EXOC6: variants seen among roughly 807,000 people sequenced by gnomAD.
EXOC6 encodes SEC15-like 1.
Under a neutral mutation model 112.5 loss-of-function variants are expected in EXOC6, and 60 were observed. The ratio of observed to expected loss-of-function variants is 0.53; its 90% CI spans 0.43 to 0.66. The LOEUF is 0.66. Ranked by LOEUF, EXOC6 falls within the 30% of genes least tolerant of loss-of-function variation. The pLI is 0.00. For missense variants in EXOC6, 855 were observed against 957.1 expected, an observed-to-expected ratio of 0.89 and a Z score of 1.41; for synonymous variants, 295 against 308.0, an observed-to-expected ratio of 0.96 and a Z score of 0.44.
intron 17 of EXOC6, among the ~76,000 whole-genome samples, chr10:92,962,613 G>A (rs945228295): frequency 3.3e-5 from 5 of 151,940 alleles, no homozygotes; most frequent in East Asian, 1.9e-4. Context: ...GGCTGGTCTC[G>A]AACTCCTGGA....
Position 92,995,289 on chromosome 10 carries a change from G to GT in EXOC6, c.1954-2181dup, listed in dbSNP as rs1160163683. Among the ~76,000 whole-genome samples the GT allele has an allele frequency of 2.6e-5, 4 of 151,970 alleles. No individual in the cohort carries two copies. In the East Asian group the frequency reaches 7.7e-4, roughly 29 times the overall value. On this transcript the variant is annotated intron_variant, in intron 18 of 21. Coordinates refer to ENST00000260762, the MANE Select transcript of EXOC6 (RefSeq NM_019053.6). ...ATAGCCTGTGTCTACTCTTACCATC[G>GT]TTTTCAGCTCCAGTGCTATTGCTAT...
chr10:92,854,876 T>C lies in EXOC6; in HGVS notation c.101+6242T>C, dbSNP rs139341454. Reference sequence around the variant, plus strand: ...GATACCTCATAGAATGAGTTGGTGCTCTCTCAATTGAGATGAGTATTTGGG... The same window carrying C: ...GATACCTCATAGAATGAGTTGGTGCCCTCTCAATTGAGATGAGTATTTGGG... On this transcript the variant is annotated intron_variant, in intron 1 of 21. Coordinates refer to ENST00000260762, the MANE Select transcript of EXOC6 (RefSeq NM_019053.6). Among the ~76,000 whole-genome samples the C allele has an allele frequency of 1.9e-3, 289 of 152,308 alleles. 3 individuals are homozygous for C. Among genetic ancestry groups the C allele is most frequent in the African/African-American group, 6.8e-3 (283 of 41,578 alleles).
intron 1 of EXOC6, among the ~76,000 whole-genome samples, chr10:92,841,663 C>T (rs1308331749): frequency 6.6e-6 from 1 of 152,152 alleles, no homozygotes; most frequent in Non-Finnish European, 1.5e-5. Flanking sequence ...ATGTTTATTG[C>T]AACACTAGAT....
intron 20 of EXOC6, among the ~76,000 whole-genome samples, chr10:93,025,415 G>A (rs1463461458): frequency 6.6e-6 from 1 of 152,130 alleles, no homozygotes; most frequent in East Asian, 1.9e-4. Context: ...CATATGAGAA[G>A]CCATTTTTAA....
At chr10:92,905,519 A>G (rs1017978938) in intron 5 of EXOC6, among the ~76,000 whole-genome samples, 1 of 152,018 alleles carries the variant, frequency 6.6e-6, no homozygotes, top group Non-Finnish European at 1.5e-5. Context: ...GATACATTTC[A>G]TGTTACCTGC....
intron 17 of EXOC6, among the ~76,000 whole-genome samples, chr10:92,963,336 T>C (rs773018937): frequency 7.1e-4 from 108 of 152,308 alleles, no homozygotes; most frequent in Non-Finnish European, 1.3e-3. Flanking sequence ...CACCTTGCAT[T>C]ATCTAACTCT....
rs1426768150 is a variant in EXOC6, at chr10:92,955,563, T to A, written c.1639-17T>A. 5 of 1,601,068 alleles carry A rather than the reference T, an allele frequency of 3.1e-6. No homozygotes were observed. In the African/African-American group the frequency reaches 6.7e-5, roughly 22 times the overall value. On this transcript the variant is annotated splice_polypyrimidine_tract_variant and intron_variant, in intron 16 of 21. Transcript: ENST00000260762. ...CATGTAACCTGTATTTTACTAGATA[T>A]ATCTTGTGTTTTCTAGCTGGTACAA...
rs1337829493 is a variant in EXOC6 at position 92,896,147 on chromosome 10, GTATATATATATATA to G, written c.412+1149_412+1162del. 4.1e-4 allele frequency among the ~76,000 whole-genome samples: 10 copies of G among 24,482 alleles called. No individual in the cohort carries two copies. The East Asian group carries it at 5.5e-3, about 13-fold the overall frequency. The allele number at this position is 24,482 out of a possible 152,430, so 16.1% of individuals were successfully genotyped here. A position where few individuals can be genotyped will look rare whatever the true frequency, so the allele number is the denominator to read the frequency against. ...TGTGTGTGTGTGTGTGTATGTATGT[GTATATATATATATA>G]TATATATATATATATATATATTTTT... is the stretch of plus-strand genomic sequence containing the variant. On this transcript the variant is annotated intron_variant, in intron 4 of 21. Transcript: ENST00000260762.
At chr10:93,004,597 G>T (rs981264090) in intron 19 of EXOC6, among the ~76,000 whole-genome samples, 1 of 152,012 alleles carries the variant, frequency 6.6e-6, no homozygotes, top group Non-Finnish European at 1.5e-5. Flanking sequence ...TCCTTGTAGG[G>T]TATTTTCACA....
chr10:93,021,272 G>A (rs949147167), intron 20 of EXOC6, among the ~76,000 whole-genome samples: 1 of 151,868 alleles, frequency 6.6e-6, no homozygotes, highest in Admixed American at 6.6e-5. Context: ...CTTGAAGCCG[G>A]GTGTCAAGAC....
chr10:92,842,092 G>A (rs1364711776), intron 1 of EXOC6, among the ~76,000 whole-genome samples: 1 of 151,984 alleles, frequency 6.6e-6, no homozygotes, highest in Non-Finnish European at 1.5e-5. Flanking sequence ...CGGGTGCAGT[G>A]GCTCACGCCT....
At chr10:92,932,948 G>A (rs1204586949) in intron 9 of EXOC6, among the ~76,000 whole-genome samples, 3 of 152,112 alleles carry the variant, frequency 2.0e-5, no homozygotes, top group African/African-American at 4.8e-5. Context: ...AGTTTGAAGC[G>A]TCCAGCAGAA....
At chr10:92,936,684 C>G (rs1303788005) in intron 12 of EXOC6, among the ~76,000 whole-genome samples, 1 of 152,160 alleles carries the variant, frequency 6.6e-6, no homozygotes, top group East Asian at 1.9e-4. Flanking sequence ...ATATTAAAAG[C>G]AATATCACCG....
intron 20 of EXOC6, among the ~76,000 whole-genome samples, chr10:93,050,769 A>AAAAAAAAAAAAAAAAAAC (rs1846248556): frequency 6.9e-6 from 1 of 145,922 alleles, no homozygotes; most frequent in African/African-American, 2.5e-5. Flanking sequence ...CAAAAAAAAA[A>AAAAAAAAAAAAAAAAAAC]AAAAAAAAAA....
At chr10:92,836,146 C>T (rs1283711681) in intron 1 of EXOC6, among the ~76,000 whole-genome samples, 2 of 152,170 alleles carry the variant, frequency 1.3e-5, no homozygotes, top group African/African-American at 4.8e-5. Context: ...TAGGCCATGG[C>T]CTCTGCTCCC....
intron 5 of EXOC6, among the ~76,000 whole-genome samples, chr10:92,902,302 TA>T (rs1048082437): frequency 9.9e-5 from 15 of 152,250 alleles, no homozygotes; most frequent in Non-Finnish European, 2.1e-4. Flanking sequence ...TTTTTTGAAT[TA>T]TTTTTTTCTT....
intron 1 of EXOC6, among the ~76,000 whole-genome samples, chr10:92,879,682 A>G (rs963745444): frequency 6.7e-6 from 1 of 150,050 alleles, no homozygotes; most frequent in Admixed American, 6.6e-5. Context: ...ATCCATCAGT[A>G]CTGATTTCCC....
chr10:92,968,690 A>G (rs1340879114), intron 17 of EXOC6, among the ~76,000 whole-genome samples: 2 of 152,126 alleles, frequency 1.3e-5, no homozygotes, highest in Non-Finnish European at 2.9e-5. Flanking sequence ...AAGAAAACTA[A>G]TTTGTTTTAG....
chr10:92,870,142 C>T (rs939961584), intron 1 of EXOC6, among the ~76,000 whole-genome samples: 17 of 151,880 alleles, frequency 1.1e-4, no homozygotes, highest in Non-Finnish European at 2.2e-4. Context: ...TTAGTAGAGA[C>T]AGGGTTTCAC....
Sources: gnomAD v4.1 joint callset for allele counts (sites outside exome capture counted in the v4.1 genomes callset) on GRCh38, gnomAD v4.1.1 for gene constraint, MANE v1.5 for transcripts, NCBI Gene and HGNC (gene_info 2026-07-23, HGNC 2026-07-21) for gene names.